Variants in ABCA12 observed in about 807,000 individuals in gnomAD.
ABCA12 encodes the protein glucosylceramide transporter ABCA12.
In ABCA12, 156 loss-of-function variants were observed where a neutral mutation model predicts 293.5. The observed-to-expected ratio is 0.53, with a 90% confidence interval of 0.47 to 0.61. The LOEUF is 0.61. Among genes scored for constraint, ABCA12 ranks in the 20% least tolerant of loss-of-function variants. The pLI is 0.00. For missense variants in ABCA12, 2,797 were observed against 3,090.2 expected (o/e 0.91, Z 2.25); for synonymous variants, 1,063 against 1,108.0 (o/e 0.96, Z 0.81).
chr2:215,085,464 A>C (rs1420277601), intron 2 of ABCA12: 1 of 152,194 alleles, frequency 6.6e-6, no homozygotes, highest in South Asian at 2.1e-4. Context: ...CATCTACCTC[A>C]GAGTAATATT....
intron 9 of ABCA12, 95 bp downstream of exon 9, chr2:215,031,726 C>T: frequency 2.0e-6 from 3 of 1,472,346 alleles, no homozygotes; most frequent in Non-Finnish European, 2.8e-6. Context: ...CTATTCCATG[C>T]TTATATACAC....
intron 2 of ABCA12, among the ~76,000 whole-genome samples, chr2:215,083,908 G>C (rs36062037): frequency 0.017 from 2,611 of 152,184 alleles, 53 homozygotes; most frequent in Admixed American, 0.064. Context: ...TGATTTTCAA[G>C]TTTATTATTA....
In ABCA12 at chr2:214,956,665, A is replaced by AAACAGGAG; in HGVS notation, c.6223_6230dup (p.Gly2078SerfsTer59). On this transcript the variant is annotated frameshift_variant, in exon 42 of 53. Coordinates refer to ENST00000272895, the MANE Select transcript of ABCA12 (RefSeq NM_173076.3). LOFTEE classifies it high-confidence loss of function. The stretch of plus-strand genomic sequence containing the variant: ...TCATTGCTTAATCAGCAGCTTACCC[A>AAACAGGAG]AACAGGAGAAGTAGGAGAGATACAG... The AAACAGGAG allele has an allele frequency of 1.2e-6, 2 of 1,610,818 alleles. No homozygotes were observed. Among genetic ancestry groups the AAACAGGAG allele is most frequent in the Non-Finnish European group, 1.7e-6 (2 of 1,177,202 alleles).
chr2:215,011,844 AAG>A (rs1325811970), intron 16 of ABCA12, 125 bp downstream of exon 16: 2 of 1,216,120 alleles, frequency 1.6e-6, no homozygotes, highest in Admixed American at 2.0e-5. Flanking sequence ...TGCTAGGTAG[AAG>A]AGTTTTCTTG....
At chr2:215,044,763 G>A (rs1250120727) in intron 7 of ABCA12, among the ~76,000 whole-genome samples, 1 of 152,146 alleles carries the variant, frequency 6.6e-6, no homozygotes, top group African/African-American at 2.4e-5. Flanking sequence ...ATTGTCTCCA[G>A]CTCAAAGCAC....
At chr2:214,970,792 T>TAACA (rs1699369104) in intron 36 of ABCA12, among the ~76,000 whole-genome samples, 1 of 152,164 alleles carries the variant, frequency 6.6e-6, no homozygotes, top group Non-Finnish European at 1.5e-5. Context: ...ATTGAAAATA[T>TAACA]AACACTTTTC....
chr2:215,059,376 G>A (rs575719724), intron 3 of ABCA12, among the ~76,000 whole-genome samples: 1 of 152,146 alleles, frequency 6.6e-6, no homozygotes, highest in African/African-American at 2.4e-5. Context: ...AATTTTAATT[G>A]TTTTAATTAT....
chr2:215,018,604 G>C (rs913351989), intron 13 of ABCA12, among the ~76,000 whole-genome samples: 1 of 151,986 alleles, frequency 6.6e-6, no homozygotes, highest in African/African-American at 2.4e-5. Flanking sequence ...CAGTTATAAA[G>C]GGTTTTTACA....
chr2:214,992,529 T>A (rs1455827925), intron 23 of ABCA12, among the ~76,000 whole-genome samples: 1 of 146,510 alleles, frequency 6.8e-6, no homozygotes, highest in Admixed American at 6.8e-5. Flanking sequence ...CCCCTTTTTT[T>A]TTTTTTTTTT....
intron 26 of ABCA12, 49 bp downstream of exon 26, chr2:214,989,280 A>G: frequency 6.3e-7 from 1 of 1,596,814 alleles, no homozygotes; most frequent in Non-Finnish European, 8.5e-7. Flanking sequence ...GTTGATTTAT[A>G]TTGAAGTCAA....
At chr2:214,986,062 G>A (rs1280477870) in intron 28 of ABCA12, among the ~76,000 whole-genome samples, 1 of 152,164 alleles carries the variant, frequency 6.6e-6, no homozygotes, top group East Asian at 1.9e-4. Context: ...GAGCAGCTGA[G>A]GCTAAGTGTG....
chr2:214,968,321 A>G (rs528860200), intron 38 of ABCA12, among the ~76,000 whole-genome samples: 13 of 152,172 alleles, frequency 8.5e-5, no homozygotes, highest in Admixed American at 1.3e-4. Context: ...ATCATAGTCA[A>G]TGTATTCCTT....
Position 215,076,386 on chromosome 2 carries a change from G to A in ABCA12, c.164-12167C>T, listed in dbSNP as rs144001638. On this transcript the variant is annotated intron_variant, in intron 2 of 52. Transcript: ENST00000272895. ...TTATCATTAAAAATATTTTAACATAGCAATTAGTATTTGCTTTTTCTAAGA... is the reference window on the plus strand; with the variant it reads ...TTATCATTAAAAATATTTTAACATAACAATTAGTATTTGCTTTTTCTAAGA... Among the ~76,000 whole-genome samples, 427 of 152,226 alleles carry A rather than the reference G, an allele frequency of 2.8e-3. 1 individual carries two copies. The highest frequency in any genetic ancestry group is 4.7e-3 in the Non-Finnish European group (320 of 68,018).
chr2:214,932,516 T>G lies in ABCA12; in HGVS notation c.*118A>C, dbSNP rs1032500279. On this transcript the variant is annotated 3_prime_UTR_variant, in exon 53 of 53. Transcript: ENST00000272895. ...TGTTAGTCTAACACAGTTGTAACTT[T>G]CCATACAGTATATTACTTTACTTTA... 1.2e-6 allele frequency: 1 copy of G among 828,000 alleles called. No individual in the cohort carries two copies. The highest frequency in any genetic ancestry group is 2.1e-5 in the Admixed American group (1 of 48,040). The allele number at this position is 828,000 out of a possible 1,614,324, so 51.3% of individuals were successfully genotyped here. A position where few individuals can be genotyped will look rare whatever the true frequency, so the allele number is the denominator to read the frequency against.
chr2:214,994,441 G>C (rs1047455329), intron 23 of ABCA12, among the ~76,000 whole-genome samples: 1 of 152,248 alleles, frequency 6.6e-6, no homozygotes, highest in African/African-American at 2.4e-5. Context: ...TTCTAGAAGA[G>C]TTTGGATAAA....
In ABCA12 at chr2:214,955,221, T is replaced by C; in HGVS notation, c.6374A>G (p.Lys2125Arg). The C allele has an allele frequency of 3.7e-6, 6 of 1,614,110 alleles. No individual in the cohort carries two copies. The highest frequency in any genetic ancestry group is 1.3e-5 in the African/African-American group (1 of 75,046). Residue 2125 changes from lysine (K) to arginine (R), a missense_variant, in exon 43 of 53, where the codon AAG becomes AGG. Around this residue, in one of 3 missense-constraint regions of ABCA12, gnomAD observed 2,130 missense variants for 2,427.0 expected, o/e 0.88. Coordinates refer to ENST00000272895, the MANE Select transcript of ABCA12 (RefSeq NM_173076.3). ...CCTTACCGGATCATTAGGCTTTTCC[T>C]TGGAAAGAAAGTATACCACTGACAG... ...VSLSVVYFLSKEKPNDPTLEL... is the reference protein window; with the variant it reads ...VSLSVVYFLSREKPNDPTLEL...
chr2:215,051,684 G>GGAGAGA lies in ABCA12; in HGVS notation c.507+797_507+802dup, dbSNP rs148312850. Reference sequence around the variant, plus strand: ...GGGAAGGAGAGAAGAAAGGTGAGTGGGAGAGAGAGAGAGAGAATAGTATCT... The same window carrying GGAGAGA: ...GGGAAGGAGAGAAGAAAGGTGAGTGGGAGAGAGAGAGAGAGAGAGAGAATAGTATCT... On this transcript the variant is annotated intron_variant, in intron 5 of 52. Transcript: ENST00000272895. Among the ~76,000 whole-genome samples, 78 of 141,478 alleles carry GGAGAGA rather than the reference G, an allele frequency of 5.5e-4. 1 individual carries two copies. The highest frequency in any genetic ancestry group is 3.0e-3 in the Admixed American group (42 of 13,970). The allele number at this position is 141,478 out of a possible 152,430, so 92.8% of individuals were successfully genotyped here. A position where few individuals can be genotyped will look rare whatever the true frequency, so the allele number is the denominator to read the frequency against.
chr2:215,030,591 C>A (rs780871619), intron 9 of ABCA12, among the ~76,000 whole-genome samples: 5 of 127,684 alleles, frequency 3.9e-5, no homozygotes, highest in East Asian at 2.3e-4. Context: ...GCGACAGAGC[C>A]AGACTCCATC....
chr2:215,112,394 CA>C (rs1702591479), intron 1 of ABCA12, among the ~76,000 whole-genome samples: 1 of 145,856 alleles, frequency 6.9e-6, no homozygotes, highest in Non-Finnish European at 1.5e-5. Flanking sequence ...ATGGTAGGGG[CA>C]GTGTCTTATT....
Sources: allele counts gnomAD v4.1 joint callset (sites outside exome capture counted in the v4.1 genomes callset), GRCh38; gene constraint gnomAD v4.1.1; regional missense constraint gnomAD v4.1.1; transcripts MANE v1.5; gene names NCBI Gene and HGNC (gene_info 2026-07-23, HGNC 2026-07-21).